Variants in SLC12A5 observed in about 807,000 individuals in gnomAD.
SLC12A5 encodes the protein K-Cl cotransporter 2.
SLC12A5 carries 18 observed loss-of-function variants against 124.0 expected under a neutral mutation model. The observed-to-expected ratio is 0.15, with a 90% CI of 0.10 to 0.22. The LOEUF (loss-of-function observed/expected upper bound fraction) is 0.22. Ranked by LOEUF, SLC12A5 falls within the 10% of genes least tolerant of loss-of-function variation. The pLI is 1.00. For missense variants in SLC12A5, 867 were observed against 1,478.7 expected (o/e 0.59, Z 6.78); for synonymous variants, 589 against 568.0 (o/e 1.04, Z -0.53).
At chr20:46,041,065 GC>G (rs780400608) in intron 7 of SLC12A5, 265 of 390,362 alleles carry the variant, frequency 6.8e-4, no homozygotes, top group Non-Finnish European at 8.8e-4. Flanking sequence ...GTGGAGGGCG[GC>G]CCCCGAGACC....
At chr20:46,031,651 C>T (rs2050309919) in intron 1 of SLC12A5, among the ~76,000 whole-genome samples, 1 of 152,214 alleles carries the variant, frequency 6.6e-6, no homozygotes, top group Non-Finnish European at 1.5e-5. Flanking sequence ...TCGGACCTGG[C>T]CTAGGGATTC....
intron 1 of SLC12A5, chr20:46,022,640 T>C: frequency 2.5e-6 from 1 of 394,172 alleles, no homozygotes; most frequent in Non-Finnish European, 4.5e-6. Context: ...TGATCCCGAC[T>C]CTTGGGGACC....
intron 21 of SLC12A5, 200 bp from the exon 22 acceptor site, chr20:46,055,950 G>A (rs1378086680): frequency 1.5e-5 from 10 of 666,878 alleles, no homozygotes; most frequent in East Asian, 2.9e-5. Context: ...GCCAGATGAG[G>A]TCTGGGGTTC....
chr20:46,041,929 G>GGC (rs200126228), intron 8 of SLC12A5, among the ~76,000 whole-genome samples: 55 of 152,290 alleles, frequency 3.6e-4, no homozygotes, highest in African/African-American at 1.3e-3. Context: ...GAATGCCCGG[G>GGC]GGGGGAGAGT....
chr20:46,052,849 G>T, intron 18 of SLC12A5, 108 bp from the exon 19 acceptor site: 3 of 1,241,594 alleles, frequency 2.4e-6, no homozygotes, highest in Non-Finnish European at 2.2e-6. Context: ...AAGGCCAGTT[G>T]GAGTGGGGTG....
chr20:46,043,610 C>T lies in SLC12A5; in HGVS notation c.1238-23C>T, dbSNP rs140632424. The stretch of plus-strand genomic sequence containing the variant: ...GTCTCCTGTGGCCCTGGCTTGAGTC[C>T]TAGCTGCACTTCTGTTTTGCAGGGA... On this transcript the variant is annotated intron_variant, in intron 9 of 25. Coordinates refer to ENST00000243964, the MANE Select transcript of SLC12A5 (RefSeq NM_020708.5). 184 of 1,613,262 alleles carry T rather than the reference C, an allele frequency of 1.1e-4. No homozygotes were observed. In the East Asian group the frequency reaches 3.7e-3, roughly 32 times the overall value.
chr20:46,023,561 A>C (rs1247874982), exon 3 of SLC12A5: 1 of 398,168 alleles, frequency 2.5e-6, no homozygotes, highest in Non-Finnish European at 4.4e-6. Context: ...ATCACTTGCA[A>C]AATAAAGGCC....
At chr20:46,025,401 C>T (rs2084388698), upstream of SLC12A5, among the ~76,000 whole-genome samples, 1 of 152,190 alleles carries the variant, frequency 6.6e-6, no homozygotes, top group Non-Finnish European at 1.5e-5. Flanking sequence ...CTAGGAATCT[C>T]CATGGCAACA....
intron 21 of SLC12A5, chr20:46,055,803 C>T (rs2084684836): frequency 3.6e-6 from 1 of 278,166 alleles, no homozygotes; most frequent in Non-Finnish European, 6.9e-6. Context: ...GATGGATCCT[C>T]CAAGGCTGGG....
intron 1 of SLC12A5, among the ~76,000 whole-genome samples, chr20:46,031,788 G>C (rs1252219194): frequency 6.6e-6 from 1 of 152,192 alleles, no homozygotes; most frequent in Non-Finnish European, 1.5e-5. Context: ...CCCAGGGGGC[G>C]GGGGCGGGGA....
At chr20:46,030,376 G>A (rs1285240915) in intron 1 of SLC12A5, among the ~76,000 whole-genome samples, 1 of 152,224 alleles carries the variant, frequency 6.6e-6, no homozygotes, top group African/African-American at 2.4e-5. Context: ...CTTGGGACAA[G>A]TCCTTTCGCT....
chr20:46,047,682 G>C, intron 15 of SLC12A5, 109 bp downstream of exon 15: 1 of 1,413,078 alleles, frequency 7.1e-7, no homozygotes, highest in Non-Finnish European at 9.7e-7. Flanking sequence ...GATGAAGCAG[G>C]GAGTGGGAGA....
chr20:46,046,937 C>T (rs2084600976), intron 14 of SLC12A5, among the ~76,000 whole-genome samples: 1 of 152,242 alleles, frequency 6.6e-6, no homozygotes, highest in Non-Finnish European at 1.5e-5. Context: ...TTCATCCTCA[C>T]AATAGGCCCT....
Position 46,029,412 on chromosome 20 carries a change from G to T in SLC12A5, c.52+16G>T, listed in dbSNP as rs2084425229. 6.7e-7 allele frequency: 1 copy of T among 1,489,568 alleles called. No homozygotes were observed. The highest frequency in any genetic ancestry group is 1.4e-5 in the African/African-American group (1 of 72,506). 92.3% of individuals were successfully genotyped at this position (1,489,568 alleles called of 1,614,324 possible). On this transcript the variant is annotated intron_variant, in intron 1 of 25. Coordinates refer to ENST00000243964, the MANE Select transcript of SLC12A5 (RefSeq NM_020708.5). ...GCCAACCCGGGTAAGCTGTGGTCCG[G>T]GGGCGGCGGGGGAGGGGGCAGCGAG...
chr20:46,022,269 A>G (rs1325280134), intron 1 of SLC12A5, among the ~76,000 whole-genome samples: 1 of 151,354 alleles, frequency 6.6e-6, no homozygotes, highest in African/African-American at 2.4e-5. Context: ...AGGAGGTGGA[A>G]CTAGGGAAAA....
In SLC12A5 at chr20:46,057,647, C is replaced by T. The variant is rs1421432026; in HGVS notation, c.*42C>T. On this transcript the variant is annotated 3_prime_UTR_variant, in exon 26 of 26. Transcript: ENST00000243964. This position sits in a 1 kb window ranked among gnomAD's most constrained non-coding sequence, Gnocchi z 7.1. The stretch of plus-strand genomic sequence containing the variant: ...CCCGGGCCCGAGCGCGCCCGGCCCG[C>T]GGCTCCGGAGCCCTCGCCGCGCCCC... The T allele has an allele frequency of 6.6e-7, 1 of 1,521,520 alleles. No individual in the cohort carries two copies. The highest frequency in any genetic ancestry group is 1.9e-5 in the Admixed American group (1 of 54,044). The allele number at this position is 1,521,520 out of a possible 1,614,324, so 94.3% of individuals were successfully genotyped here. A position where few individuals can be genotyped will look rare whatever the true frequency, so the allele number is the denominator to read the frequency against.
upstream of SLC12A5, chr20:46,029,078 C>A: frequency 7.8e-7 from 1 of 1,281,560 alleles, no homozygotes; most frequent in Non-Finnish European, 1.0e-6. Flanking sequence ...CTCCCTCCCG[C>A]TCTCCCCCCA....
At position 46,035,836 on chromosome 20, in the gene SLC12A5, C is replaced by A; in HGVS notation, c.339C>A (p.Gly113=). The A allele has an allele frequency of 6.2e-7, 1 of 1,614,116 alleles. No individual in the cohort carries two copies. The highest frequency in any genetic ancestry group is 8.5e-7 in the Non-Finnish European group (1 of 1,179,976). The change falls in exon 4 of 26, where the codon GGC becomes GGA. Residue 113 remains glycine, a synonymous_variant. Coordinates refer to ENST00000243964, the MANE Select transcript of SLC12A5 (RefSeq NM_020708.5). ...VYLPCLQNIF[G]VILFLRLTWV... ...TGCCGTGCCTGCAGAACATCTTTGG[C>A]GTCATCCTCTTCCTGCGGCTCACCT...
intron 16 of SLC12A5, among the ~76,000 whole-genome samples, chr20:46,048,868 A>AG (rs1491330037): frequency 7.7e-4 from 1 of 1,298 alleles, no homozygotes; most frequent in Non-Finnish European, 4.5e-3. Flanking sequence ...ACCCTGTCTC[A>AG]AAAAAAAAAA....
Sources: gnomAD v4.1 joint callset for allele counts (sites outside exome capture counted in the v4.1 genomes callset) on GRCh38, gnomAD v4.1.1 for gene constraint, Gnocchi (gnomAD v3.1) non-coding constraint, MANE v1.5 for transcripts, NCBI Gene and HGNC (gene_info 2026-07-23, HGNC 2026-07-21) for gene names.